GNA12: variants seen among roughly 807,000 people sequenced by gnomAD.
GNA12 encodes the protein guanine nucleotide-binding protein subunit alpha-12.
A neutral mutation model predicts 26.0 loss-of-function variants in GNA12; 9 were observed. The observed-to-expected ratio is 0.35, with a 90% CI of 0.21 to 0.60. The LOEUF is 0.60. GNA12 is among the 20% of genes least tolerant of loss of function. GNA12 has a pLI of 0.78. For synonymous variants in GNA12, 264 were observed against 219.6 expected (o/e 1.20, Z -1.79); for missense variants, 405 against 525.8 (o/e 0.77, Z 2.25).
intron 1 of GNA12, among the ~76,000 whole-genome samples, chr7:2,832,014 G>A (rs922122267): frequency 2.6e-5 from 4 of 152,172 alleles, no homozygotes; most frequent in Non-Finnish European, 2.9e-5. Context: ...TTTGCATCCC[G>A]TGGAGTTGTC....
At position 2,789,132 on chromosome 7, in the gene GNA12, C is replaced by CTTTTTTTTTTTTTTT. The variant is rs71026556; in HGVS notation, c.525+5781_525+5795dup. Among the ~76,000 whole-genome samples the CTTTTTTTTTTTTTTT allele has an allele frequency of 4.1e-5, 3 of 72,822 alleles. 1 individual carries two copies. The highest frequency in any genetic ancestry group is 1.0e-4 in the African/African-American group (2 of 20,062). 47.8% of individuals were successfully genotyped at this position (72,822 alleles called of 152,430 possible). A position where few individuals can be genotyped will look rare whatever the true frequency, so the allele number is the denominator to read the frequency against. ...ACCGTGCCCGGACCCCTTCAGGCAT[C>CTTTTTTTTTTTTTTT]TTTTTTTTTTTTTTTTTTTTTGAGA... On this transcript the variant is annotated intron_variant, in intron 2 of 3. Coordinates refer to ENST00000275364, the MANE Select transcript of GNA12 (RefSeq NM_007353.3).
intron 1 of GNA12, among the ~76,000 whole-genome samples, chr7:2,829,921 T>C (rs745329112): frequency 1.3e-5 from 2 of 152,174 alleles, no homozygotes; most frequent in Non-Finnish European, 2.9e-5. Context: ...GAAAGGGAGA[T>C]GATGAGAGCT....
chr7:2,760,830 G>A (rs949429329), intron 2 of GNA12, among the ~76,000 whole-genome samples: 7 of 152,228 alleles, frequency 4.6e-5, no homozygotes, highest in African/African-American at 1.7e-4. Context: ...CCAGAGGTTA[G>A]CTTGTCTGCA....
In GNA12 at chr7:2,805,075, A is replaced by T. The variant is rs748726551; in HGVS notation, c.310-9932T>A. On this transcript the variant is annotated intron_variant, in intron 1 of 3. Coordinates refer to ENST00000275364, the MANE Select transcript of GNA12 (RefSeq NM_007353.3). ...CCTGGTCAAGCTGGGGCCTCAGCAC[A>T]CTGTGGTAAATAAAGGCCCAGAGCC... Among the ~76,000 whole-genome samples, 39 of 152,202 alleles carry T rather than the reference A, an allele frequency of 2.6e-4. 1 individual carries two copies. Among genetic ancestry groups the T allele is most frequent in the Admixed American group, 2.4e-3 (37 of 15,286 alleles).
At chr7:2,738,462 C>T (rs1790326491) in intron 2 of GNA12, among the ~76,000 whole-genome samples, 1 of 152,176 alleles carries the variant, frequency 6.6e-6, no homozygotes, top group Admixed American at 6.5e-5. Context: ...AAGGAGGTTT[C>T]CGATACCCAC....
intron 1 of GNA12, among the ~76,000 whole-genome samples, chr7:2,795,400 GA>G (rs1562432918): frequency 1.1e-4 from 17 of 152,134 alleles, no homozygotes; most frequent in African/African-American, 3.6e-4. Flanking sequence ...GGAGGCCAAA[GA>G]GGGAGGACTG....
intron 1 of GNA12, among the ~76,000 whole-genome samples, chr7:2,796,402 C>T (rs1469545695): frequency 1.3e-5 from 2 of 152,192 alleles, no homozygotes; most frequent in East Asian, 3.8e-4. Flanking sequence ...GCCTATTTTC[C>T]GTTGGCGGCT....
intron 2 of GNA12, among the ~76,000 whole-genome samples, chr7:2,790,896 C>T (rs1279376983): frequency 6.6e-6 from 1 of 151,778 alleles, no homozygotes. Context: ...TTTGCCTGAG[C>T]CCAGGAGATC....
chr7:2,762,558 C>T, intron 2 of GNA12: 2 of 1,401,804 alleles, frequency 1.4e-6, no homozygotes, highest in Non-Finnish European at 1.9e-6. Flanking sequence ...GGAGTTAGAT[C>T]CAATGACATT....
intron 1 of GNA12, among the ~76,000 whole-genome samples, chr7:2,810,375 C>T (rs924058367): frequency 9.9e-5 from 15 of 152,058 alleles, no homozygotes; most frequent in African/African-American, 3.1e-4. Flanking sequence ...CCCAAAGGCC[C>T]CACCCCCTAA....
At chr7:2,757,832 C>CATGT (rs1346203226) in intron 2 of GNA12, among the ~76,000 whole-genome samples, 1 of 152,162 alleles carries the variant, frequency 6.6e-6, no homozygotes, top group Non-Finnish European at 1.5e-5. Flanking sequence ...TCAATGAAGA[C>CATGT]ATGTGTTTTT....
At chr7:2,835,763 A>G in intron 1 of GNA12, 1 of 763,308 alleles carries the variant, frequency 1.3e-6, no homozygotes, top group Non-Finnish European at 2.4e-6. Flanking sequence ...AAACAACTCC[A>G]AAACGTAGAA....
At chr7:2,767,519 T>A (rs959481168) in intron 2 of GNA12, among the ~76,000 whole-genome samples, 5 of 152,238 alleles carry the variant, frequency 3.3e-5, no homozygotes, top group African/African-American at 1.2e-4. Flanking sequence ...TGGGGGCATT[T>A]CCAGTGTTTT....
At chr7:2,766,016 G>A (rs991042953) in intron 2 of GNA12, among the ~76,000 whole-genome samples, 1 of 152,034 alleles carries the variant, frequency 6.6e-6, no homozygotes, top group Non-Finnish European at 1.5e-5. Context: ...ATTTTAAAAT[G>A]CACAGTTCAG....
At chr7:2,818,933 G>T (rs114234760) in intron 1 of GNA12, among the ~76,000 whole-genome samples, 4 of 152,166 alleles carry the variant, frequency 2.6e-5, no homozygotes, top group Non-Finnish European at 5.9e-5. Flanking sequence ...CCCGTGGCAC[G>T]GGCAGAATTC....
At chr7:2,738,865 A>C (rs1790348491) in intron 2 of GNA12, among the ~76,000 whole-genome samples, 1 of 152,198 alleles carries the variant, frequency 6.6e-6, no homozygotes, top group Admixed American at 6.5e-5. Context: ...CCAGAATGTG[A>C]AAGTACAGAG....
chr7:2,818,528 C>T (rs746561582), intron 1 of GNA12, among the ~76,000 whole-genome samples: 6 of 152,114 alleles, frequency 3.9e-5, no homozygotes, highest in Non-Finnish European at 2.9e-5. Context: ...TTTGGGAGGC[C>T]AAGGCACACA....
At chr7:2,839,072 C>T (rs1261611768) in intron 1 of GNA12, among the ~76,000 whole-genome samples, 3 of 152,166 alleles carry the variant, frequency 2.0e-5, no homozygotes, top group Non-Finnish European at 4.4e-5. Context: ...CATGTACTTA[C>T]GGGATGTTCA....
At chr7:2,754,247 T>C (rs1460581059) in intron 2 of GNA12, among the ~76,000 whole-genome samples, 1 of 152,198 alleles carries the variant, frequency 6.6e-6, no homozygotes, top group Non-Finnish European at 1.5e-5. Flanking sequence ...AGAGGCTGGA[T>C]GTCTTCTCGT....
Sources: allele counts gnomAD v4.1 joint callset (sites outside exome capture counted in the v4.1 genomes callset), GRCh38; gene constraint gnomAD v4.1.1; transcripts MANE v1.5; gene names NCBI Gene and HGNC (gene_info 2026-07-23, HGNC 2026-07-21).